UNC80: variants seen among roughly 807,000 people sequenced by gnomAD.
UNC80 encodes unc-80 subunit of NALCN channel complex, also known as protein unc-80 homolog.
UNC80 carries 164 observed loss-of-function variants against 384.6 expected under a neutral mutation model. The ratio of observed to expected loss-of-function variants is 0.43; its 90% CI spans 0.38 to 0.49. The LOEUF (loss-of-function observed/expected upper bound fraction) is 0.49, where lower values mean the gene tolerates loss of function less well. Among genes scored for constraint, UNC80 ranks in the 20% least tolerant of loss-of-function variants. The probability of loss-of-function intolerance (pLI) is 0.00; values close to 1 mark genes in which losing one functional copy is unlikely to be tolerated. For missense variants in UNC80, 3,330 were observed against 4,143.0 expected (o/e 0.80, Z 5.39); for synonymous variants, 1,486 against 1,527.8 (o/e 0.97, Z 0.64).
intron 9 of UNC80, 110 bp downstream of exon 9, chr2:209,815,501 T>G: frequency 8.2e-7 from 1 of 1,226,940 alleles, no homozygotes; most frequent in East Asian, 2.6e-5. Flanking sequence ...GAAAGGGAAC[T>G]TAGAAACCGA....
At chr2:209,789,076 T>C (rs1218917273) in intron 5 of UNC80, among the ~76,000 whole-genome samples, 1 of 150,788 alleles carries the variant, frequency 6.6e-6, no homozygotes. Context: ...GGCTATGTCA[T>C]ATAGCCTAGA....
At chr2:209,795,869 G>A (rs756314158) in intron 7 of UNC80, 5 of 152,270 alleles carry the variant, frequency 3.3e-5, no homozygotes, top group Non-Finnish European at 4.4e-5. Flanking sequence ...GGGCCCTCAT[G>A]GAGAACCTCT....
At chr2:209,772,752 A>C (rs887412190) in intron 1 of UNC80, among the ~76,000 whole-genome samples, 24 of 152,158 alleles carry the variant, frequency 1.6e-4, no homozygotes, top group Admixed American at 8.5e-4. Context: ...AGATTCTGGA[A>C]ATTATGACCC....
intron 21 of UNC80, among the ~76,000 whole-genome samples, chr2:209,848,792 G>A (rs1038364359): frequency 1.6e-4 from 25 of 152,026 alleles, no homozygotes; most frequent in African/African-American, 5.6e-4. Flanking sequence ...GTAGGTTCCC[G>A]CATTTTTCCA....
At chr2:209,896,686 T>G (rs1403376983) in intron 28 of UNC80, among the ~76,000 whole-genome samples, 1 of 152,136 alleles carries the variant, frequency 6.6e-6, no homozygotes, top group Non-Finnish European at 1.5e-5. Context: ...GAGGCCAGGT[T>G]GGTGGTCAAG....
rs1236769088 is a variant in UNC80, at chr2:209,839,809, G to A, written c.3250+379G>A. 6.6e-6 allele frequency among the ~76,000 whole-genome samples: 1 copy of A among 152,162 alleles called. No homozygotes were observed. The highest frequency in any genetic ancestry group is 1.5e-5 in the Non-Finnish European group (1 of 68,036). Reference sequence around the variant, plus strand: ...GTTCTACGAAAGCATGCAACAATGAGACCTGACCTGAATGTGGGGGAGGAG... The same window carrying A: ...GTTCTACGAAAGCATGCAACAATGAAACCTGACCTGAATGTGGGGGAGGAG... On this transcript the variant is annotated intron_variant, in intron 19 of 64. Coordinates refer to ENST00000673920, the MANE Select transcript of UNC80 (RefSeq NM_001371986.1). This position sits in a 1 kb window ranked among gnomAD's most constrained non-coding sequence, Gnocchi z 4.1.
chr2:209,958,652 C>G (rs1299152361), intron 49 of UNC80, among the ~76,000 whole-genome samples: 1 of 152,150 alleles, frequency 6.6e-6, no homozygotes. Context: ...TCTAGGCTCA[C>G]TGGATTAAAT....
At chr2:209,858,099 A>C (rs2083070104) in intron 22 of UNC80, among the ~76,000 whole-genome samples, 1 of 152,180 alleles carries the variant, frequency 6.6e-6, no homozygotes, top group South Asian at 2.1e-4. Flanking sequence ...AATTACTGTT[A>C]GTTGTGTTGA....
Position 209,917,865 on chromosome 2 carries a change from G to A in UNC80, c.5118G>A (p.Gln1706=), listed in dbSNP as rs1299968551. The A allele has an allele frequency of 1.9e-6, 3 of 1,551,996 alleles. No individual in the cohort carries two copies. ...MSEFHHPETV[Q]RLNAVLKFHT... is the part of the protein sequence containing the mutation. ...AGTTCCACCACCCGGAGACTGTGCA[G>A]AGGCTGAACGCTGTCCTCAAGTTCC... is the stretch of plus-strand genomic sequence containing the variant. Residue 1706 remains glutamine (Q), a synonymous_variant, in exon 32 of 65, where the codon CAG becomes CAA. Coordinates refer to ENST00000673920, the MANE Select transcript of UNC80 (RefSeq NM_001371986.1).
Position 209,896,534 on chromosome 2 carries a change from C to G in UNC80, c.4581+121C>G, listed in dbSNP as rs1476307660. 3 of 829,982 alleles carry G rather than the reference C, an allele frequency of 3.6e-6. No homozygotes were observed. The East Asian group carries it at 8.0e-5, about 22-fold the overall frequency. The allele number at this position is 829,982 out of a possible 1,614,324, so 51.4% of individuals were successfully genotyped here. A position where few individuals can be genotyped will look rare whatever the true frequency, so the allele number is the denominator to read the frequency against. On this transcript the variant is annotated intron_variant, in intron 28 of 64. Transcript: ENST00000673920. The stretch of plus-strand genomic sequence containing the variant: ...ATCCGATCTAGCCTCCAAGAGAAAG[C>G]AGGGGCTTATGTTTTACCTGAATAT...
In UNC80 at chr2:209,937,547, T is replaced by C; in HGVS notation, c.6382T>C (p.Tyr2128His). The change falls in exon 42 of 65, where the codon TAT becomes CAT. Residue 2128 changes from tyrosine to histidine, a missense_variant. Around this residue, in one of 8 missense-constraint regions of UNC80, gnomAD observed 1,049 missense variants for 1,488.6 expected, o/e 0.70. Coordinates refer to ENST00000673920, the MANE Select transcript of UNC80 (RefSeq NM_001371986.1). ...CACACAGACCTATGTTCGAGATATT[T>C]ATCCTTTCCGGAGGTCAGTATCTCC... is the stretch of plus-strand genomic sequence containing the variant. ...HYNKTYVRDI[Y>H]PFRRSVSPQL... is the part of the protein sequence containing the mutation. The C allele has an allele frequency of 6.4e-7, 1 of 1,551,318 alleles. No individual in the cohort carries two copies. Among genetic ancestry groups the C allele is most frequent in the Non-Finnish European group, 8.7e-7 (1 of 1,146,518 alleles).
At chr2:209,972,838 T>A (rs970189713) in intron 55 of UNC80, among the ~76,000 whole-genome samples, 1 of 152,182 alleles carries the variant, frequency 6.6e-6, no homozygotes, top group Admixed American at 6.5e-5. Flanking sequence ...AGCGAGACAT[T>A]TGGCTAAGAC....
intron 22 of UNC80, among the ~76,000 whole-genome samples, chr2:209,854,320 A>T (rs983055037): frequency 1.4e-5 from 2 of 145,744 alleles, no homozygotes; most frequent in African/African-American, 5.4e-5. Flanking sequence ...TAACTATGAA[A>T]TGTAGCATAA....
At chr2:209,803,781 G>T (rs2078705737) in intron 7 of UNC80, among the ~76,000 whole-genome samples, 1 of 152,002 alleles carries the variant, frequency 6.6e-6, no homozygotes, top group South Asian at 2.1e-4. Flanking sequence ...CACTGAGACT[G>T]GAGTGCAGTG....
chr2:209,867,417 TG>T (rs1256597520), intron 22 of UNC80, among the ~76,000 whole-genome samples: 1 of 151,900 alleles, frequency 6.6e-6, no homozygotes, highest in Non-Finnish European at 1.5e-5. Flanking sequence ...TTTTGGGGGC[TG>T]GGGGGCATGG....
At chr2:209,876,794 G>A (rs1471222582) in intron 23 of UNC80, among the ~76,000 whole-genome samples, 1 of 152,128 alleles carries the variant, frequency 6.6e-6, no homozygotes, top group Non-Finnish European at 1.5e-5. Flanking sequence ...CCCACATACT[G>A]CATTCTCCTT....
At chr2:209,980,438 GC>G (rs1302628909) in intron 59 of UNC80, among the ~76,000 whole-genome samples, 2 of 152,206 alleles carry the variant, frequency 1.3e-5, no homozygotes, top group African/African-American at 4.8e-5. Flanking sequence ...TGATGAGGCA[GC>G]AGGGGGACTG....
At position 209,809,019 on chromosome 2, in the gene UNC80, C is replaced by T. The variant is rs953828881; in HGVS notation, c.939-4561C>T. Reference sequence around the variant, plus strand: ...CCAGGGCCTCCCTCCAACTGAGACTCCCCCAAGAGAGTTTCAAGGCGGCAG... The same window carrying T: ...CCAGGGCCTCCCTCCAACTGAGACTTCCCCAAGAGAGTTTCAAGGCGGCAG... On this transcript the variant is annotated intron_variant, in intron 7 of 64. Coordinates refer to ENST00000673920, the MANE Select transcript of UNC80 (RefSeq NM_001371986.1). 3 of 372,344 alleles carry T rather than the reference C, an allele frequency of 8.1e-6. No homozygotes were observed. In the Admixed American group the frequency reaches 1.2e-4, roughly 14 times the overall value. The allele number at this position is 372,344 out of a possible 1,614,324, so 23.1% of individuals were successfully genotyped here. A position where few individuals can be genotyped will look rare whatever the true frequency, so the allele number is the denominator to read the frequency against.
chr2:209,965,595 G>C (rs1454684852), intron 51 of UNC80, among the ~76,000 whole-genome samples: 1 of 151,396 alleles, frequency 6.6e-6, no homozygotes, highest in East Asian at 1.9e-4. Context: ...TAATTTTTTT[G>C]TATTTTTGGT....
Sources: allele counts gnomAD v4.1 joint callset (sites outside exome capture counted in the v4.1 genomes callset), GRCh38; gene constraint gnomAD v4.1.1; regional missense constraint gnomAD v4.1.1; non-coding constraint Gnocchi (gnomAD v3.1); transcripts MANE v1.5; gene names NCBI Gene and HGNC (gene_info 2026-07-23, HGNC 2026-07-21).